JAML: variants seen among roughly 807,000 people sequenced by gnomAD.
JAML encodes junctional adhesion molecule-like.
A neutral mutation model predicts 39.3 loss-of-function variants in JAML; 25 were observed. That is an observed-to-expected ratio of 0.64 (90% CI 0.46 to 0.89). The LOEUF is 0.89. Ranked by LOEUF, JAML falls within the 40% of genes least tolerant of loss-of-function variation. The pLI, the probability that JAML is intolerant of heterozygous loss-of-function variation, is 0.00. For synonymous variants in JAML, 162 were observed against 179.2 expected, an observed-to-expected ratio of 0.90 and a Z score of 0.77; for missense variants, 440 against 486.9, an observed-to-expected ratio of 0.90 and a Z score of 0.91.
intron 7 of JAML, among the ~76,000 whole-genome samples, chr11:118,199,699 T>TA (rs1565474117): frequency 2.5e-4 from 31 of 125,628 alleles, no homozygotes; most frequent in African/African-American, 6.7e-4. Flanking sequence ...TATTATTTTT[T>TA]TTTTTTTTTT....
At chr11:118,205,594 GA>G (rs2134657549) in intron 5 of JAML, 1 of 356,028 alleles carries the variant, frequency 2.8e-6, no homozygotes, top group East Asian at 5.9e-5. Context: ...GGAAAAGGGA[GA>G]AAGAAGGAAA....
At chr11:118,223,468 G>A (rs1423166690) in intron 1 of JAML, among the ~76,000 whole-genome samples, 5 of 152,102 alleles carry the variant, frequency 3.3e-5, no homozygotes, top group Admixed American at 6.5e-5. Flanking sequence ...ATGCAAAGGT[G>A]AAATTTTGCT....
chr11:118,200,395 A>G lies in JAML; in HGVS notation c.911+79T>C. On this transcript the variant is annotated intron_variant, in intron 7 of 9. Transcript: ENST00000356289. The stretch of plus-strand genomic sequence containing the variant: ...GTGAGAATGGCATAAGTAGGGCCCT[A>G]TCACCCTGTTCTACTTTGGGGTAGA... 6 of 1,535,476 alleles carry G rather than the reference A, an allele frequency of 3.9e-6. No individual in the cohort carries two copies. In the South Asian group the frequency reaches 6.9e-5, roughly 18 times the overall value.
At chr11:118,196,108 C>T (rs1196877514) in intron 9 of JAML, among the ~76,000 whole-genome samples, 2 of 150,282 alleles carry the variant, frequency 1.3e-5, no homozygotes, top group Non-Finnish European at 3.0e-5. Flanking sequence ...GCTAGGTTTA[C>T]AGGTGTGAGC....
chr11:118,205,660 T>C, intron 5 of JAML: 1 of 537,750 alleles, frequency 1.9e-6, no homozygotes, highest in Non-Finnish European at 3.4e-6. Context: ...CAATCTCATA[T>C]CGGCATCCAA....
chr11:118,204,501 G>A (rs111784742), intron 5 of JAML: 22 of 152,176 alleles, frequency 1.4e-4, no homozygotes, highest in Admixed American at 5.2e-4. Context: ...GGGTCACTGC[G>A]CTCCAGCCAC....
At chr11:118,205,651 A>G in intron 5 of JAML, 1 of 523,718 alleles carries the variant, frequency 1.9e-6, no homozygotes, top group South Asian at 2.3e-5. Flanking sequence ...TTACATGTAC[A>G]ATCTCATATC....
At position 118,215,514 on chromosome 11, in the gene JAML, AT is replaced by A. The variant is rs536537334; in HGVS notation, c.-20-629del. ...ACAGGCATGCTACACCACACTTGCT[AT>A]TTTTTTTTTTTAAGTAGTAGAGAGG... On this transcript the variant is annotated intron_variant, in intron 1 of 9. Transcript: ENST00000356289. Among the ~76,000 whole-genome samples, 370 of 144,550 alleles carry A rather than the reference AT, an allele frequency of 2.6e-3. 4 individuals are homozygous for A. Among genetic ancestry groups the A allele is most frequent in the African/African-American group, 6.7e-3 (267 of 39,702 alleles). 94.8% of individuals were successfully genotyped at this position (144,550 alleles called of 152,430 possible).
intron 6 of JAML, 124 bp from the exon 7 acceptor site, chr11:118,200,736 C>A (rs1386830751): frequency 1.9e-6 from 2 of 1,076,436 alleles, no homozygotes; most frequent in Non-Finnish European, 2.7e-6. Context: ...AGACTCCACC[C>A]CATATCTGGA....
intron 7 of JAML, among the ~76,000 whole-genome samples, chr11:118,199,874 T>C (rs1208137277): frequency 1.3e-5 from 2 of 151,832 alleles, no homozygotes; most frequent in Non-Finnish European, 2.9e-5. Context: ...TTTTTTGCAT[T>C]TTTAGTAAAG....
chr11:118,199,225 G>A (rs959657354), intron 7 of JAML, among the ~76,000 whole-genome samples: 2 of 152,098 alleles, frequency 1.3e-5, no homozygotes, highest in African/African-American at 2.4e-5. Context: ...TAGAATAAAC[G>A]ACTAGACATG....
chr11:118,200,015 A>G (rs1948746092), intron 7 of JAML, among the ~76,000 whole-genome samples: 1 of 152,138 alleles, frequency 6.6e-6, no homozygotes, highest in Non-Finnish European at 1.5e-5. Flanking sequence ...TTTTAATAAT[A>G]ATTCATTTAG....
At chr11:118,194,505 AT>A in intron 9 of JAML, 88 bp from the exon 10 acceptor site, 1 of 1,057,502 alleles carries the variant, frequency 9.5e-7, no homozygotes, top group Non-Finnish European at 1.5e-6. Flanking sequence ...AGCTCTTCTC[AT>A]GAGCCCGGCC....
At chr11:118,209,093 C>A in intron 4 of JAML, 1 of 281,230 alleles carries the variant, frequency 3.6e-6, no homozygotes, top group Non-Finnish European at 7.1e-6. Context: ...CTTTAGAGCC[C>A]AATACAACAG....
chr11:118,213,403 T>C (rs1004158051), intron 2 of JAML: 2 of 933,700 alleles, frequency 2.1e-6, no homozygotes, highest in African/African-American at 3.6e-5. Flanking sequence ...CCAAGCTGTT[T>C]CCCTGAGAGA....
At chr11:118,206,291 A>G (rs1228124472) in intron 4 of JAML, among the ~76,000 whole-genome samples, 3 of 152,280 alleles carry the variant, frequency 2.0e-5, no homozygotes, top group East Asian at 3.9e-4. Flanking sequence ...CCATATCACC[A>G]TAAACACTTT....
chr11:118,210,513 A>G lies in JAML; in HGVS notation c.398T>C (p.Leu133Pro). ...ESQVFKKAVV[L>P]HVLPEEPKEL... ...TTTGGGCTCCTCTGGAAGCACATGCAGTACCACCGCCTTCTTGAACACCTG... is the reference window on the plus strand; with the variant it reads ...TTTGGGCTCCTCTGGAAGCACATGCGGTACCACCGCCTTCTTGAACACCTG... Residue 133 changes from leucine (L) to proline (P), a missense_variant, in exon 4 of 10, where the codon CTG becomes CCG. Transcript: ENST00000356289. 1.2e-6 allele frequency: 2 copies of G among 1,614,112 alleles called. No individual in the cohort carries two copies. Among genetic ancestry groups the G allele is most frequent in the Non-Finnish European group, 8.5e-7 (1 of 1,180,008 alleles).
intron 5 of JAML, 117 bp downstream of exon 5, chr11:118,205,765 C>A: frequency 2.2e-6 from 2 of 889,210 alleles, no homozygotes; most frequent in East Asian, 2.4e-5. Flanking sequence ...AGGTCCAGTT[C>A]TGATAAGCAC....
intron 6 of JAML, chr11:118,200,983 C>T (rs750480732): frequency 3.2e-5 from 6 of 188,184 alleles, no homozygotes; most frequent in African/African-American, 7.0e-5. Context: ...GAACTCATGC[C>T]GCAAGACTCA....
Sources: gnomAD v4.1 joint callset for allele counts (sites outside exome capture counted in the v4.1 genomes callset) on GRCh38, gnomAD v4.1.1 for gene constraint, MANE v1.5 for transcripts, NCBI Gene and HGNC (gene_info 2026-07-23, HGNC 2026-07-21) for gene names.